COL23A1: variants seen among roughly 807,000 people sequenced by gnomAD.
The protein encoded by COL23A1 is collagen type XXIII alpha 1 chain.
In COL23A1, 97 loss-of-function variants were observed where a neutral mutation model predicts 99.3. The observed-to-expected ratio is 0.98, with a 90% CI of 0.83 to 1.16. The LOEUF is 1.16. COL23A1 is among the 50% of genes most tolerant of loss of function. The pLI is 0.00. For missense variants in COL23A1, 762 were observed against 757.4 expected (o/e 1.01, Z -0.07); for synonymous variants, 320 against 308.2 (o/e 1.04, Z -0.40).
At chr5:178,581,885 A>G (rs1228261767) in intron 1 of COL23A1, among the ~76,000 whole-genome samples, 2 of 152,210 alleles carry the variant, frequency 1.3e-5, no homozygotes, top group African/African-American at 4.8e-5. Flanking sequence ...AATGGTATGC[A>G]TTCTGTGGTT....
intron 2 of COL23A1, among the ~76,000 whole-genome samples, chr5:178,345,641 C>CTCA (rs1760925089): frequency 6.6e-6 from 1 of 151,672 alleles, no homozygotes; most frequent in African/African-American, 2.4e-5. Flanking sequence ...CTCAGCCTCC[C>CTCA]GAGTAGCTGG....
chr5:178,317,096 A>G (rs1759022206), intron 2 of COL23A1, among the ~76,000 whole-genome samples: 1 of 152,206 alleles, frequency 6.6e-6, no homozygotes, highest in African/African-American at 2.4e-5. Context: ...ACATTCATAA[A>G]TAAGTCAGTC....
At chr5:178,583,987 T>C (rs1352303615) in intron 1 of COL23A1, among the ~76,000 whole-genome samples, 1 of 152,116 alleles carries the variant, frequency 6.6e-6, no homozygotes, top group Non-Finnish European at 1.5e-5. Flanking sequence ...CCTCAGTGTC[T>C]CGAGGAGCTG....
chr5:178,321,223 A>G (rs1759287031), intron 2 of COL23A1, among the ~76,000 whole-genome samples: 1 of 152,220 alleles, frequency 6.6e-6, no homozygotes, highest in African/African-American at 2.4e-5. Flanking sequence ...TTGTGCGGCC[A>G]CCAGCACCAT....
intron 2 of COL23A1, among the ~76,000 whole-genome samples, chr5:178,558,830 C>T (rs1281271419): frequency 2.0e-5 from 3 of 151,732 alleles, no homozygotes; most frequent in Non-Finnish European, 1.5e-5. Flanking sequence ...GCTCTGTCAC[C>T]CAGGCTGGAG....
At chr5:178,499,653 T>G (rs1258993969) in intron 2 of COL23A1, among the ~76,000 whole-genome samples, 1 of 152,256 alleles carries the variant, frequency 6.6e-6, no homozygotes, top group African/African-American at 2.4e-5. Context: ...CAAACTGTCA[T>G]GTCAGTCTCT....
intron 5 of COL23A1, among the ~76,000 whole-genome samples, chr5:178,287,868 G>C (rs983472516): frequency 1.3e-5 from 2 of 152,246 alleles, no homozygotes; most frequent in African/African-American, 4.8e-5. Flanking sequence ...GAATGCGCTA[G>C]CTTTTGGGTT....
chr5:178,321,093 A>G (rs746764686), intron 2 of COL23A1, among the ~76,000 whole-genome samples: 24 of 152,222 alleles, frequency 1.6e-4, no homozygotes, highest in Non-Finnish European at 2.4e-4. Context: ...GGAAGATTAC[A>G]CTGTATTTGT....
intron 2 of COL23A1, among the ~76,000 whole-genome samples, chr5:178,356,530 A>T (rs776498231): frequency 6.6e-6 from 1 of 152,124 alleles, no homozygotes; most frequent in Non-Finnish European, 1.5e-5. Context: ...CAGGGGTGGG[A>T]GGAGGCATTC....
intron 3 of COL23A1, among the ~76,000 whole-genome samples, chr5:178,293,484 C>A (rs192015485): frequency 3.9e-5 from 6 of 152,054 alleles, no homozygotes; most frequent in Non-Finnish European, 8.8e-5. Context: ...AGGAGGTGTT[C>A]GGGGACTGAG....
intron 2 of COL23A1, among the ~76,000 whole-genome samples, chr5:178,510,016 G>A (rs1002264816): frequency 5.3e-5 from 8 of 152,162 alleles, no homozygotes; most frequent in Non-Finnish European, 8.8e-5. Context: ...TAGGAAGTAC[G>A]CAAAGCCTTC....
At chr5:178,324,939 C>T (rs931649744) in intron 2 of COL23A1, among the ~76,000 whole-genome samples, 2 of 152,120 alleles carry the variant, frequency 1.3e-5, no homozygotes, top group African/African-American at 4.8e-5. Context: ...CGAGCTTCTA[C>T]ATCACTGTCT....
In COL23A1 at chr5:178,427,636, A is replaced by T. The variant is rs532781749; in HGVS notation, c.362-120717T>A. Among the ~76,000 whole-genome samples the T allele has an allele frequency of 2.0e-5, 3 of 152,308 alleles. No individual in the cohort carries two copies. In the East Asian group the frequency reaches 5.8e-4, roughly 29 times the overall value. Reference sequence around the variant, plus strand: ...ATTCTATTATTCAATGCTGACAAGAAATGAGCTCTCAAGCCAGGAACAGAC... The same window carrying T: ...ATTCTATTATTCAATGCTGACAAGATATGAGCTCTCAAGCCAGGAACAGAC... On this transcript the variant is annotated intron_variant, in intron 2 of 28. Coordinates refer to ENST00000390654, the MANE Select transcript of COL23A1 (RefSeq NM_173465.4).
Position 178,403,120 on chromosome 5 carries a change from AAATAAATAAATAAAAAAT to A in COL23A1, c.362-96219_362-96202del, listed in dbSNP as rs1216849369. Among the ~76,000 whole-genome samples the A allele has an allele frequency of 5.6e-5, 5 of 89,634 alleles. 1 individual carries two copies. Among genetic ancestry groups the A allele is most frequent in the Non-Finnish European group, 1.2e-4 (5 of 43,346 alleles). 58.8% of individuals were successfully genotyped at this position (89,634 alleles called of 152,430 possible). The stretch of plus-strand genomic sequence containing the variant: ...AGAGACTCCATCTCAAAAAAAAAAA[AAATAAATAAATAAAAAAT>A]AAATACCATTTACCGAAATCTTCTA... On this transcript the variant is annotated intron_variant, in intron 2 of 28. Transcript: ENST00000390654.
At chr5:178,403,500 A>G (rs553966925) in intron 2 of COL23A1, among the ~76,000 whole-genome samples, 1 of 152,148 alleles carries the variant, frequency 6.6e-6, no homozygotes, top group African/African-American at 2.4e-5. Flanking sequence ...GATGGTGTCC[A>G]CTCAGCCAGT....
Position 178,249,716 on chromosome 5 carries a change from A to ACACACACTCACT in COL23A1, c.1059+344_1059+345insAGTGAGTGTGTG. 7.0e-4 allele frequency among the ~76,000 whole-genome samples: 65 copies of ACACACACTCACT among 92,800 alleles called. 1 individual carries two copies. Among genetic ancestry groups the ACACACACTCACT allele is most frequent in the African/African-American group, 2.6e-3 (62 of 23,476 alleles). The allele number at this position is 92,800 out of a possible 152,430, so 60.9% of individuals were successfully genotyped here. On this transcript the variant is annotated intron_variant, in intron 18 of 28. Coordinates refer to ENST00000390654, the MANE Select transcript of COL23A1 (RefSeq NM_173465.4). Reference sequence around the variant, plus strand: ...CACACACACACACACACACACACACACTCTCTCTCTCTCTCTCTCTCTCTC... The same window carrying ACACACACTCACT: ...CACACACACACACACACACACACACACACACACTCACTCTCTCTCTCTCTCTCTCTCTCTCTC...
At position 178,590,242 on chromosome 5, in the gene COL23A1, G is replaced by A. The variant is rs759655814; in HGVS notation, c.-45C>T. The stretch of plus-strand genomic sequence containing the variant: ...GACTCTCCGAGGGGGCGGTGCTGCT[G>A]GGGCAGAGGCTGGGTGCGAGAGGAG... On this transcript the variant is annotated 5_prime_UTR_variant, in exon 1 of 29. Transcript: ENST00000390654. The surrounding 1 kb of genome is among the most constrained non-coding windows in gnomAD (Gnocchi z 5.7). The A allele has an allele frequency of 1.0e-5, 12 of 1,203,876 alleles. No homozygotes were observed. Among genetic ancestry groups the A allele is most frequent in the Non-Finnish European group, 4.1e-6 (4 of 968,596 alleles). 74.6% of individuals were successfully genotyped at this position (1,203,876 alleles called of 1,614,324 possible).
At chr5:178,260,525 T>C (rs1454658664) in intron 11 of COL23A1, among the ~76,000 whole-genome samples, 1 of 152,170 alleles carries the variant, frequency 6.6e-6, no homozygotes, top group Non-Finnish European at 1.5e-5. Flanking sequence ...CCGGGCACGG[T>C]GGCTCATGCC....
chr5:178,295,928 C>T (rs183465100), intron 3 of COL23A1, among the ~76,000 whole-genome samples: 1 of 152,308 alleles, frequency 6.6e-6, no homozygotes, highest in Admixed American at 6.5e-5. Flanking sequence ...GGTGTGGGTG[C>T]AAGGAAGTGG....
Sources: allele counts gnomAD v4.1 joint callset (sites outside exome capture counted in the v4.1 genomes callset), GRCh38; gene constraint gnomAD v4.1.1; non-coding constraint Gnocchi (gnomAD v3.1); transcripts MANE v1.5; gene names NCBI Gene and HGNC (gene_info 2026-07-23, HGNC 2026-07-21).